The following L2HGDH variants were observed in gnomAD, a reference collection of about 807,000 sequenced individuals.
L2HGDH encodes the protein L-2-hydroxyglutarate dehydrogenase, also known as L-2-hydroxyglutarate dehydrogenase, mitochondrial.
Under a neutral mutation model 51.5 loss-of-function variants are expected in L2HGDH, and 34 were observed. The ratio of observed to expected loss-of-function variants is 0.66; its 90% CI spans 0.50 to 0.88. The LOEUF is 0.88. Ranked by LOEUF, L2HGDH falls within the 40% of genes least tolerant of loss-of-function variation. L2HGDH has a pLI of 0.00. For synonymous variants in L2HGDH, 198 were observed against 197.9 expected, an observed-to-expected ratio of 1.00 and a Z score of -0.01; for missense variants, 558 against 571.9, an observed-to-expected ratio of 0.98 and a Z score of 0.25.
At chr14:50,311,425 CTG>C (rs2031169896) in intron 1 of L2HGDH, 1 of 456,060 alleles carries the variant, frequency 2.2e-6, no homozygotes, top group Non-Finnish European at 4.4e-6. Flanking sequence ...TTCACACAAA[CTG>C]TTTCTTCTAC....
intron 1 of L2HGDH, among the ~76,000 whole-genome samples, chr14:50,303,603 C>A (rs1158966679): frequency 2.6e-5 from 4 of 151,300 alleles, no homozygotes; most frequent in Non-Finnish European, 5.9e-5. Flanking sequence ...ATGGTAAAAC[C>A]CCATCTTTAC....
In L2HGDH at chr14:50,295,294, G is replaced by A. The variant is rs527613569; in HGVS notation, c.409-1048C>T. Among the ~76,000 whole-genome samples, 8 of 152,268 alleles carry A rather than the reference G, an allele frequency of 5.3e-5. No homozygotes were observed. The South Asian group carries it at 1.7e-3, about 32-fold the overall frequency. On this transcript the variant is annotated intron_variant, in intron 3 of 9. Transcript: ENST00000267436. ...AAAGGCTGAGGCAAGAAGACCACTT[G>A]AGCCCAGGAGTTCAAGGCTGCAGTG...
chr14:50,242,930 C>G lies in L2HGDH; in HGVS notation c.*4128G>C. ...ATGTCTCCTGTGTTTACAGGGATAG[C>G]TCATAGGTACAGCCATCAGGGTTGG... On this transcript the variant is annotated 3_prime_UTR_variant, in exon 10 of 10. Coordinates refer to ENST00000267436, the MANE Select transcript of L2HGDH (RefSeq NM_024884.3). 1.0e-6 allele frequency: 1 copy of G among 985,458 alleles called. No homozygotes were observed. The highest frequency in any genetic ancestry group is 1.2e-6 in the Non-Finnish European group (1 of 829,954). 61.0% of individuals were successfully genotyped at this position (985,458 alleles called of 1,614,324 possible). A position where few individuals can be genotyped will look rare whatever the true frequency, so the allele number is the denominator to read the frequency against.
intron 1 of L2HGDH, chr14:50,311,569 A>T: frequency 2.3e-6 from 1 of 437,928 alleles, no homozygotes. Context: ...GTGTGCCAGG[A>T]ACTGATTTAA....
chr14:50,251,826 G>T (rs1056948872), intron 9 of L2HGDH, among the ~76,000 whole-genome samples: 8 of 151,936 alleles, frequency 5.3e-5, no homozygotes, highest in Non-Finnish European at 1.0e-4. Context: ...AAAGTTGAGG[G>T]ATTTCATCAA....
In L2HGDH at chr14:50,302,034, A is replaced by G. The variant is rs765572204; in HGVS notation, c.391T>C (p.Tyr131His). The G allele has an allele frequency of 1.2e-6, 2 of 1,614,156 alleles. No homozygotes were observed. Among genetic ancestry groups the G allele is most frequent in the African/African-American group, 2.7e-5 (2 of 75,060 alleles). ...TGCCATACCTTGCCACACTGCTTGT[A>G]GGAAATTCCCTTTTGCTGACAGTAC... ...YEYCQQKGIS[Y>H]KQCGKLIVAV... Residue 131 changes from tyrosine to histidine, a missense_variant, in exon 3 of 10, where the codon TAC (tyrosine) becomes CAC (histidine). Transcript: ENST00000267436.
chr14:50,281,270 T>TAGTC (rs1890256572), intron 5 of L2HGDH, among the ~76,000 whole-genome samples: 1 of 152,082 alleles, frequency 6.6e-6, no homozygotes, highest in Non-Finnish European at 1.5e-5. Flanking sequence ...TCATGAAAAT[T>TAGTC]TTTTTCTCTC....
intron 4 of L2HGDH, among the ~76,000 whole-genome samples, chr14:50,289,708 G>A (rs1024769652): frequency 1.6e-4 from 25 of 152,146 alleles, no homozygotes; most frequent in Admixed American, 6.5e-4. Flanking sequence ...ATTTCTTAAG[G>A]GATTAACGTT....
rs745703805 is a variant in L2HGDH at position 50,269,288 on chromosome 14, G to C, written c.781C>G (p.Leu261Val). 12 of 1,613,926 alleles carry C rather than the reference G, an allele frequency of 7.4e-6. No individual in the cohort carries two copies. The African/African-American group carries it at 1.3e-4, about 18-fold the overall frequency. The stretch of plus-strand genomic sequence containing the variant: ...AACTCTGAAATACGGTCTGAGTAAA[G>C]TCCTGCACATGTCACAACATACTGA... ...RCQYVVTCAG[L>V]YSDRISELSG... Residue 261 changes from leucine to valine, a missense_variant, in exon 7 of 10, where the codon CTT (leucine) becomes GTT (valine). Around this residue, in one of 3 missense-constraint regions of L2HGDH, gnomAD observed 321 missense variants for 311.8 expected, o/e 1.03. Transcript: ENST00000267436.
chr14:50,252,003 T>C (rs57075287), intron 9 of L2HGDH, among the ~76,000 whole-genome samples: 4,723 of 151,930 alleles, frequency 0.031, 242 homozygotes, highest in African/African-American at 0.11. Flanking sequence ...TGTATAAACT[T>C]CTCATCTTAC....
Position 50,252,936 on chromosome 14 carries a change from C to A in L2HGDH, c.1197-5683G>T, listed in dbSNP as rs769233507. Among the ~76,000 whole-genome samples, 131 of 152,056 alleles carry A rather than the reference C, an allele frequency of 8.6e-4. 3 individuals are homozygous for A. Among genetic ancestry groups the A allele is most frequent in the Non-Finnish European group, 5.0e-4 (34 of 67,988 alleles). ...AATCTGCACTACAGAACAAATAGAC[C>A]TAATAGTTATTTACAGAACATTTCA... On this transcript the variant is annotated intron_variant, in intron 9 of 9. Coordinates refer to ENST00000267436, the MANE Select transcript of L2HGDH (RefSeq NM_024884.3).
intron 1 of L2HGDH, among the ~76,000 whole-genome samples, chr14:50,303,515 G>A (rs927626802): frequency 6.7e-6 from 1 of 149,380 alleles, no homozygotes; most frequent in South Asian, 2.1e-4. Flanking sequence ...GATGGCTCAT[G>A]CCTGTAATCC....
chr14:50,292,575 G>A (rs376169096), intron 4 of L2HGDH, among the ~76,000 whole-genome samples: 3 of 152,070 alleles, frequency 2.0e-5, no homozygotes, highest in Admixed American at 6.6e-5. Context: ...GCATGGTGGC[G>A]CATGTCTGTA....
At chr14:50,274,274 CAA>C (rs576083220) in intron 6 of L2HGDH, among the ~76,000 whole-genome samples, 14 of 126,066 alleles carry the variant, frequency 1.1e-4, no homozygotes, top group Admixed American at 2.4e-4. Context: ...GACCCTGTCT[CAA>C]AAAAAAAAAA....
At chr14:50,287,181 AC>A in intron 4 of L2HGDH, 1 of 984,942 alleles carries the variant, frequency 1.0e-6, no homozygotes, top group Non-Finnish European at 1.2e-6. Flanking sequence ...CATTCCAAGG[AC>A]CTGTGATGGT....
intron 3 of L2HGDH, among the ~76,000 whole-genome samples, chr14:50,298,172 A>T (rs1293816461): frequency 6.6e-6 from 1 of 151,120 alleles, no homozygotes. Flanking sequence ...TGAACCCAGG[A>T]GGTGGAGGTT....
intron 9 of L2HGDH, among the ~76,000 whole-genome samples, chr14:50,260,126 A>G (rs1888934682): frequency 6.6e-6 from 1 of 152,130 alleles, no homozygotes; most frequent in Admixed American, 6.6e-5. Flanking sequence ...ACTTTGAGGG[A>G]TTCTAGATTT....
intron 8 of L2HGDH, 43 bp from the exon 9 acceptor site, chr14:50,265,532 T>C: frequency 6.6e-7 from 1 of 1,522,848 alleles, no homozygotes; most frequent in Non-Finnish European, 9.1e-7. Context: ...AAAGGAATTC[T>C]TTATTACGTA....
intron 9 of L2HGDH, 106 bp from the exon 10 acceptor site, chr14:50,247,359 C>A (rs1888068529): frequency 6.6e-7 from 1 of 1,511,424 alleles, no homozygotes; most frequent in Non-Finnish European, 8.9e-7. Flanking sequence ...TCTAAATGCA[C>A]AATTATATGG....
Sources: allele counts gnomAD v4.1 joint callset (sites outside exome capture counted in the v4.1 genomes callset), GRCh38; gene constraint gnomAD v4.1.1; regional missense constraint gnomAD v4.1.1; transcripts MANE v1.5; gene names NCBI Gene and HGNC (gene_info 2026-07-23, HGNC 2026-07-21).